The following WNT11 variants were observed in gnomAD, a reference collection of about 807,000 sequenced individuals.
WNT11 encodes the protein Wnt family member 11.
Under a neutral mutation model 35.6 loss-of-function variants are expected in WNT11, and 20 were observed. The ratio of observed to expected loss-of-function variants is 0.56; its 90% confidence interval spans 0.40 to 0.82. WNT11 has a LOEUF of 0.82. WNT11 is among the 40% of genes least tolerant of loss of function. The pLI, the probability that WNT11 is intolerant of heterozygous loss-of-function variation, is 0.00. For synonymous variants in WNT11, 200 were observed against 211.9 expected (o/e 0.94, Z 0.49); for missense variants, 459 against 504.4 (o/e 0.91, Z 0.86).
chr11:76,205,673 A>G (rs978387697), intron 1 of WNT11, among the ~76,000 whole-genome samples: 1 of 152,164 alleles, frequency 6.6e-6, no homozygotes, highest in African/African-American at 2.4e-5. Flanking sequence ...CAGCCCCCTG[A>G]GCAGGCACTC....
At chr11:76,196,273 C>T (rs1565193889) in intron 2 of WNT11, among the ~76,000 whole-genome samples, 1 of 152,190 alleles carries the variant, frequency 6.6e-6, no homozygotes, top group Non-Finnish European at 1.5e-5. Context: ...TGTGTTTACT[C>T]GTTTGTGAAT....
rs1565198186 is a variant in WNT11 at position 76,206,441 on chromosome 11, AG to A, written c.-35del. 2.8e-6 allele frequency: 4 copies of A among 1,416,190 alleles called. No individual in the cohort carries two copies. In the Admixed American group the frequency reaches 1.1e-4, roughly 41 times the overall value. The allele number at this position is 1,416,190 out of a possible 1,614,324, so 87.7% of individuals were successfully genotyped here. ...GGCGGGCGCGCCCGGGGTCACACCCAGGAGGAGCCGCGCCGAAGTCCTCCGC... is the reference window on the plus strand; with the variant it reads ...GGCGGGCGCGCCCGGGGTCACACCCAGAGGAGCCGCGCCGAAGTCCTCCGC... On this transcript the variant is annotated 5_prime_UTR_variant, in exon 1 of 5. Coordinates refer to ENST00000322563, the MANE Select transcript of WNT11 (RefSeq NM_004626.3).
At chr11:76,193,100 G>C (rs1591303247) in intron 3 of WNT11, among the ~76,000 whole-genome samples, 2 of 152,398 alleles carry the variant, frequency 1.3e-5, no homozygotes, top group East Asian at 3.9e-4. Flanking sequence ...CAGGGATGAA[G>C]TCAGCAGGAC....
At position 76,194,674 on chromosome 11, in the gene WNT11, C is replaced by G; in HGVS notation, c.490G>C (p.Gly164Arg). 1 of 1,550,708 alleles carries G rather than the reference C, an allele frequency of 6.4e-7. No homozygotes were observed. The highest frequency in any genetic ancestry group is 8.7e-7 in the Non-Finnish European group (1 of 1,146,964). The change falls in exon 3 of 5, where the codon GGG becomes CGG. Residue 164 changes from glycine to arginine, a missense_variant. Coordinates refer to ENST00000322563, the MANE Select transcript of WNT11 (RefSeq NM_004626.3). This position sits in a 1 kb window ranked among gnomAD's most constrained non-coding sequence, Gnocchi z 5.4. ...WGGCADNLSY[G>R]LLMGAKFSDA... is the part of the protein sequence containing the mutation. ...GAAAACTTGGCCCCCATGAGGAGCC[C>G]GTAGCTGAGGTTGTCCGCACATCCT...
intron 4 of WNT11, among the ~76,000 whole-genome samples, chr11:76,189,799 G>C (rs564343043): frequency 6.6e-6 from 1 of 152,350 alleles, no homozygotes; most frequent in South Asian, 2.1e-4. Flanking sequence ...CTGACATGCA[G>C]TCTCATGTAA....
intron 3 of WNT11, among the ~76,000 whole-genome samples, chr11:76,193,326 C>T (rs1953213124): frequency 6.6e-6 from 1 of 152,228 alleles, no homozygotes; most frequent in South Asian, 2.1e-4. Context: ...GCGGAGGACC[C>T]TCTTTGGGCT....
intron 3 of WNT11, among the ~76,000 whole-genome samples, chr11:76,192,788 C>T (rs11600611): frequency 0.16 from 24,585 of 152,178 alleles, 2,161 homozygotes; most frequent in African/African-American, 0.22. Context: ...ATGCCTTCTA[C>T]GGGCCTTCCA....
rs969363838 is a variant in WNT11 at position 76,189,096 on chromosome 11, C to T, written c.891-1857G>A. Among the ~76,000 whole-genome samples the T allele has an allele frequency of 2.4e-4, 37 of 152,350 alleles. No homozygotes were observed. The Middle Eastern group carries it at 0.014, about 56-fold the overall frequency. ...CTGGGTTCAAGCCCCAGCTCTGCCA[C>T]TTAGTGGCTGTGTGACTTAAGGCAG... On this transcript the variant is annotated intron_variant, in intron 4 of 4. Transcript: ENST00000322563.
upstream of WNT11, chr11:76,207,038 G>A (rs1288691588): frequency 1.3e-5 from 2 of 152,314 alleles, no homozygotes; most frequent in Admixed American, 1.3e-4. Flanking sequence ...AGTAAGCTGG[G>A]GCAATTCGGG....
At chr11:76,210,571 C>G (rs574409704), upstream of WNT11, 5 of 985,236 alleles carry the variant, frequency 5.1e-6, no homozygotes, top group East Asian at 4.5e-4. Context: ...CGCACTCCGG[C>G]TGGGCGAGCG....
At chr11:76,191,922 A>C in intron 3 of WNT11, 66 bp from the exon 4 acceptor site, 1 of 1,516,224 alleles carries the variant, frequency 6.6e-7, no homozygotes, top group Non-Finnish European at 8.8e-7. Context: ...CCGGGACCCC[A>C]GCCCCACCCA....
In WNT11 at chr11:76,194,809, C is replaced by A. The variant is rs1291477956; in HGVS notation, c.355G>T (p.Ala119Ser). ...GCGATGGCGTGGCTGATGGCGGCGG[C>A]CGACAGCGCATACACGAAGGCCGAC... ...RESAFVYALS[A>S]AAISHAIARA... Residue 119 changes from alanine (A) to serine (S), a missense_variant, in exon 3 of 5, where the codon GCC becomes TCC. Coordinates refer to ENST00000322563, the MANE Select transcript of WNT11 (RefSeq NM_004626.3). The surrounding 1 kb of genome is among the most constrained non-coding windows in gnomAD (Gnocchi z 5.4). The A allele has an allele frequency of 1.9e-6, 3 of 1,546,168 alleles. No individual in the cohort carries two copies. The highest frequency in any genetic ancestry group is 2.6e-6 in the Non-Finnish European group (3 of 1,152,740).
At chr11:76,209,072 C>T (rs984473777), upstream of WNT11, among the ~76,000 whole-genome samples, 1 of 152,174 alleles carries the variant, frequency 6.6e-6, no homozygotes, top group Non-Finnish European at 1.5e-5. Context: ...GGGGATGGGA[C>T]GACGTGTCGA....
rs1953095527 is a variant in WNT11, at chr11:76,186,526, A to AG, written c.*538dup. On this transcript the variant is annotated 3_prime_UTR_variant, in exon 5 of 5. Coordinates refer to ENST00000322563, the MANE Select transcript of WNT11 (RefSeq NM_004626.3). ...TAAAATATATAAAGAGGAATTGAGAAGTGCCACCCCAAAGAAAAAGCTATG... is the reference window on the plus strand; with the variant it reads ...TAAAATATATAAAGAGGAATTGAGAAGGTGCCACCCCAAAGAAAAAGCTATG... 6.5e-6 allele frequency: 1 copy of AG among 153,062 alleles called. No individual in the cohort carries two copies. The highest frequency in any genetic ancestry group is 6.4e-5 in the Admixed American group (1 of 15,540). 9.5% of individuals were successfully genotyped at this position (153,062 alleles called of 1,614,324 possible). A position where few individuals can be genotyped will look rare whatever the true frequency, so the allele number is the denominator to read the frequency against.
chr11:76,193,380 G>A (rs552186067), intron 3 of WNT11, among the ~76,000 whole-genome samples: 13 of 151,752 alleles, frequency 8.6e-5, no homozygotes, highest in Admixed American at 2.6e-4. Context: ...AGCATGTGGC[G>A]CCCAGCTGGC....
chr11:76,206,673 C>T, upstream of WNT11: 1 of 647,318 alleles, frequency 1.5e-6, no homozygotes, highest in South Asian at 7.2e-5. Context: ...TTAGGCGCGG[C>T]CGAAGGCGTG....
intron 4 of WNT11, among the ~76,000 whole-genome samples, chr11:76,190,107 C>T (rs980501323): frequency 9.2e-5 from 14 of 152,052 alleles, no homozygotes; most frequent in African/African-American, 2.7e-4. Flanking sequence ...TAGGTAAGTG[C>T]GCTTGGAGAT....
rs2134579338 is a variant in WNT11 at position 76,194,727 on chromosome 11, T to C, written c.437A>G (p.Glu146Gly). ...PGCSCGPVPG[E>G]PPGPGNRWGG... is the part of the protein sequence containing the mutation. Reference sequence around the variant, plus strand: ...CCAGCGGTTCCCGGGCCCGGGTGGCTCACCTGGGACGGGGCCGCAGGAGCA... The same window carrying C: ...CCAGCGGTTCCCGGGCCCGGGTGGCCCACCTGGGACGGGGCCGCAGGAGCA... Residue 146 changes from glutamate (E) to glycine (G), a missense_variant, in exon 3 of 5, where the codon GAG becomes GGG. Transcript: ENST00000322563. The surrounding 1 kb of genome is among the most constrained non-coding windows in gnomAD (Gnocchi z 5.4). The C allele has an allele frequency of 1.3e-6, 2 of 1,550,562 alleles. No homozygotes were observed. Among genetic ancestry groups the C allele is most frequent in the Non-Finnish European group, 1.7e-6 (2 of 1,147,154 alleles).
upstream of WNT11, chr11:76,210,432 C>T (rs1329942277): frequency 2.0e-6 from 2 of 985,254 alleles, no homozygotes; most frequent in Non-Finnish European, 1.2e-6. Flanking sequence ...CTGGCGGGTC[C>T]CCGCTGAGCG....
Sources: allele counts gnomAD v4.1 joint callset (sites outside exome capture counted in the v4.1 genomes callset), GRCh38; gene constraint gnomAD v4.1.1; non-coding constraint Gnocchi (gnomAD v3.1); transcripts MANE v1.5; gene names NCBI Gene and HGNC (gene_info 2026-07-23, HGNC 2026-07-21).